The following RSBN1L variants were observed in gnomAD, a reference collection of about 807,000 sequenced individuals.
RSBN1L encodes the protein round spermatid basic protein 1 like, also known as lysine-specific demethylase RSBN1L.
In RSBN1L, 30 loss-of-function variants were observed where a neutral mutation model predicts 67.7. The observed-to-expected ratio is 0.44, with a 90% CI of 0.33 to 0.60. RSBN1L has a LOEUF of 0.60. Among genes scored for constraint, RSBN1L ranks in the 20% least tolerant of loss-of-function variants. The pLI is 0.02. For synonymous variants in RSBN1L, 433 were observed against 387.0 expected (o/e 1.12, Z -1.39); for missense variants, 992 against 1,031.7 (o/e 0.96, Z 0.53).
intron 1 of RSBN1L, among the ~76,000 whole-genome samples, chr7:77,715,595 CTG>C (rs1791038671): frequency 6.6e-6 from 1 of 152,192 alleles, no homozygotes; most frequent in Admixed American, 6.5e-5. Context: ...AGGCACGACA[CTG>C]TGCCTGGCCC....
At chr7:77,759,418 A>T (rs982237591) in intron 3 of RSBN1L, among the ~76,000 whole-genome samples, 2 of 152,188 alleles carry the variant, frequency 1.3e-5, no homozygotes, top group East Asian at 3.8e-4. Context: ...TTGAAATAAA[A>T]TGTTGGTTAA....
chr7:77,768,440 A>G, intron 4 of RSBN1L: 1 of 499,014 alleles, frequency 2.0e-6, no homozygotes, highest in Non-Finnish European at 3.6e-6. Context: ...GTATAGGGAC[A>G]GAACCATCCA....
chr7:77,741,372 G>A (rs578251273), intron 2 of RSBN1L, among the ~76,000 whole-genome samples: 47 of 151,978 alleles, frequency 3.1e-4, no homozygotes, highest in African/African-American at 1.0e-3. Flanking sequence ...TACCTGTCAG[G>A]ATCCTTTATT....
At chr7:77,764,092 A>G (rs968958463) in intron 3 of RSBN1L, among the ~76,000 whole-genome samples, 9 of 152,170 alleles carry the variant, frequency 5.9e-5, no homozygotes, top group African/African-American at 1.4e-4. Flanking sequence ...TGATGTGACT[A>G]TCTTTTATAA....
Position 77,736,531 on chromosome 7 carries a change from GT to G in RSBN1L, c.703+9del. On this transcript the variant is annotated splice_donor_region_variant and intron_variant, in intron 2 of 7. Coordinates refer to ENST00000334955, the MANE Select transcript of RSBN1L (RefSeq NM_198467.3). The stretch of plus-strand genomic sequence containing the variant: ...AAGTAAAGATTTTGCTGAAAAGTAA[GT>G]TTTATTCAGTGATTTTAGTTCTACT... The G allele has an allele frequency of 7.8e-7, 1 of 1,286,180 alleles. No homozygotes were observed. The highest frequency in any genetic ancestry group is 1.1e-6 in the Non-Finnish European group (1 of 946,824). The allele number at this position is 1,286,180 out of a possible 1,614,324, so 79.7% of individuals were successfully genotyped here. A position where few individuals can be genotyped will look rare whatever the true frequency, so the allele number is the denominator to read the frequency against.
chr7:77,703,376 G>A (rs1790843186), intron 1 of RSBN1L, among the ~76,000 whole-genome samples: 1 of 150,132 alleles, frequency 6.7e-6, no homozygotes, highest in African/African-American at 2.5e-5. Flanking sequence ...TCTACCATCA[G>A]CTTTTTGTCT....
intron 1 of RSBN1L, among the ~76,000 whole-genome samples, chr7:77,704,990 G>GTT (rs1299783747): frequency 1.1e-5 from 1 of 92,570 alleles, no homozygotes; most frequent in Non-Finnish European, 2.0e-5. Context: ...AAAAAAAAAA[G>GTT]TTGTGTGTGT....
intron 3 of RSBN1L, among the ~76,000 whole-genome samples, chr7:77,755,420 T>C (rs1224938083): frequency 6.6e-6 from 1 of 152,120 alleles, no homozygotes; most frequent in Non-Finnish European, 1.5e-5. Flanking sequence ...ATCTCAGCAC[T>C]GTGGGAGGCC....
At chr7:77,721,289 A>T (rs1432539284) in intron 1 of RSBN1L, among the ~76,000 whole-genome samples, 1 of 151,430 alleles carries the variant, frequency 6.6e-6, no homozygotes, top group Non-Finnish European at 1.5e-5. Flanking sequence ...GCTTATCAAT[A>T]GTAATTTCCT....
intron 1 of RSBN1L, among the ~76,000 whole-genome samples, chr7:77,714,550 G>A (rs886439728): frequency 2.0e-5 from 3 of 152,092 alleles, no homozygotes; most frequent in African/African-American, 7.2e-5. Context: ...TTTTATTTCT[G>A]AGTAGTAATT....
rs1562809511 is a variant in RSBN1L, at chr7:77,768,456, A to G, written c.1483-205A>G. On this transcript the variant is annotated intron_variant, in intron 4 of 7. Coordinates refer to ENST00000334955, the MANE Select transcript of RSBN1L (RefSeq NM_198467.3). ...TATAGGGACAGAACCATCCAAGCAT[A>G]ATTATTTTCTTGGTGTGTTTGAAAC... is the stretch of plus-strand genomic sequence containing the variant. 4 of 528,074 alleles carry G rather than the reference A, an allele frequency of 7.6e-6. No homozygotes were observed. In the East Asian group the frequency reaches 1.2e-4, roughly 16 times the overall value. 32.7% of individuals were successfully genotyped at this position (528,074 alleles called of 1,614,324 possible).
At chr7:77,756,619 A>T (rs1791621907) in intron 3 of RSBN1L, among the ~76,000 whole-genome samples, 1 of 152,024 alleles carries the variant, frequency 6.6e-6, no homozygotes, top group African/African-American at 2.4e-5. Flanking sequence ...TAATAAAAAA[A>T]ATACAAAAAT....
chr7:77,749,151 G>A (rs371257299), intron 2 of RSBN1L, among the ~76,000 whole-genome samples: 1 of 152,192 alleles, frequency 6.6e-6, no homozygotes, highest in African/African-American at 2.4e-5. Flanking sequence ...CTACTTGGGA[G>A]ACTGAGGCAG....
chr7:77,714,843 G>A (rs909365203), intron 1 of RSBN1L, among the ~76,000 whole-genome samples: 7 of 151,520 alleles, frequency 4.6e-5, no homozygotes, highest in African/African-American at 1.7e-4. Context: ...GGCGCCTGTA[G>A]TCCCAGCTAC....
chr7:77,762,766 T>C (rs1469223044), intron 3 of RSBN1L, among the ~76,000 whole-genome samples: 2 of 152,180 alleles, frequency 1.3e-5, no homozygotes, highest in Non-Finnish European at 2.9e-5. Flanking sequence ...AACAATTGGT[T>C]CCGGTTTTCT....
At chr7:77,714,521 C>G (rs572967133) in intron 1 of RSBN1L, among the ~76,000 whole-genome samples, 1 of 152,292 alleles carries the variant, frequency 6.6e-6, no homozygotes, top group Non-Finnish European at 1.5e-5. Flanking sequence ...AGTACAGTTG[C>G]ATGAATCAGT....
At chr7:77,771,034 C>T (rs150046488) in intron 5 of RSBN1L, among the ~76,000 whole-genome samples, 2,087 of 151,948 alleles carry the variant, frequency 0.014, 51 homozygotes, top group African/African-American at 0.047. Flanking sequence ...CTCCACCTCC[C>T]GGTTTCAAGC....
intron 1 of RSBN1L, among the ~76,000 whole-genome samples, chr7:77,710,396 C>A (rs956401333): frequency 6.6e-6 from 1 of 152,168 alleles, no homozygotes; most frequent in South Asian, 2.1e-4. Context: ...AGGTTCTCCT[C>A]AGTGCTCCTC....
intron 3 of RSBN1L, among the ~76,000 whole-genome samples, chr7:77,762,895 C>T (rs1023172100): frequency 3.9e-5 from 6 of 151,924 alleles, no homozygotes; most frequent in African/African-American, 9.7e-5. Flanking sequence ...AGTTGTGCTT[C>T]GTATTTTAGA....
Sources: allele counts gnomAD v4.1 joint callset (sites outside exome capture counted in the v4.1 genomes callset), GRCh38; gene constraint gnomAD v4.1.1; transcripts MANE v1.5; gene names NCBI Gene and HGNC (gene_info 2026-07-23, HGNC 2026-07-21).